The following KIF1B variants were observed in gnomAD, a reference collection of about 807,000 sequenced individuals.
KIF1B encodes the protein kinesin-like protein KIF1B.
A neutral mutation model predicts 241.9 loss-of-function variants in KIF1B; 76 were observed. The observed-to-expected ratio is 0.31, with a 90% CI of 0.26 to 0.38. KIF1B has a LOEUF of 0.38. Among genes scored for constraint, KIF1B ranks in the 10% least tolerant of loss-of-function variants. The pLI is 1.00. For missense variants in KIF1B, 1,622 were observed against 2,271.4 expected (o/e 0.71, Z 5.81); for synonymous variants, 750 against 796.7 (o/e 0.94, Z 0.99).
At chr1:10,271,730 C>T (rs553315660) in intron 8 of KIF1B, 151 bp downstream of exon 8, 14 of 699,818 alleles carry the variant, frequency 2.0e-5, no homozygotes, top group South Asian at 2.0e-4. Context: ...TGACAGAGAC[C>T]GTATGGCCCA....
Position 10,334,501 on chromosome 1 carries a change from T to C in KIF1B, c.2925-19T>C. ...CTCCATGGATGTTCTGACATTTGTC[T>C]CCTGGTTTCTGTCTTTAGGGCATTT... On this transcript the variant is annotated intron_variant, in intron 27 of 48. Transcript: ENST00000676179. 6.4e-7 allele frequency: 1 copy of C among 1,558,192 alleles called. No homozygotes were observed. The highest frequency in any genetic ancestry group is 8.9e-7 in the Non-Finnish European group (1 of 1,129,206).
chr1:10,337,599 T>C lies in KIF1B; in HGVS notation c.3422+66T>C. 2.6e-6 allele frequency: 4 copies of C among 1,547,564 alleles called. No individual in the cohort carries two copies. The highest frequency in any genetic ancestry group is 2.2e-5 in the East Asian group (1 of 44,562). On this transcript the variant is annotated intron_variant, in intron 31 of 48. Coordinates refer to ENST00000676179, the MANE Select transcript of KIF1B (RefSeq NM_001365951.3). This position sits in a 1 kb window ranked among gnomAD's most constrained non-coding sequence, Gnocchi z 4.0. ...CCGAGGTGACATCTCTTGTGCACTG[T>C]AGAGTGCTTTACATGTGTGAGGGAT...
At chr1:10,316,877 C>T (rs534980483) in intron 22 of KIF1B, among the ~76,000 whole-genome samples, 57 of 151,602 alleles carry the variant, frequency 3.8e-4, no homozygotes, top group Non-Finnish European at 6.3e-4. Context: ...TTCCAATTGC[C>T]ATTTCTTCTG....
intron 19 of KIF1B, 73 bp from the exon 20 acceptor site, chr1:10,296,509 T>G: frequency 8.0e-7 from 1 of 1,252,666 alleles, no homozygotes; most frequent in Non-Finnish European, 1.2e-6. Flanking sequence ...CAAATCCTGA[T>G]AAGCAACTGC....
In KIF1B at chr1:10,303,639, C is replaced by G. The variant is rs1170139021; in HGVS notation, c.2115+6393C>G. On this transcript the variant is annotated intron_variant, in intron 22 of 48. Transcript: ENST00000676179. This position sits in a 1 kb window ranked among gnomAD's most constrained non-coding sequence, Gnocchi z 5.2. ...GGAAAGGCAGCACTGATGTAGATGA[C>G]CTCAAGGTTCATATAGACAAGCTGG... 1 of 1,614,042 alleles carries G rather than the reference C, an allele frequency of 6.2e-7. No individual in the cohort carries two copies. Among genetic ancestry groups the G allele is most frequent in the Non-Finnish European group, 8.5e-7 (1 of 1,180,022 alleles).
At chr1:10,304,233 C>T (rs1235563969) in intron 22 of KIF1B, 3 of 1,614,092 alleles carry the variant, frequency 1.9e-6, no homozygotes, top group South Asian at 2.2e-5. Flanking sequence ...TTAAGGATCC[C>T]CAGTTTCCAT....
chr1:10,259,756 T>C (rs914096961), intron 4 of KIF1B, among the ~76,000 whole-genome samples: 1 of 151,798 alleles, frequency 6.6e-6, no homozygotes, highest in Non-Finnish European at 1.5e-5. Context: ...CACCTCCGCC[T>C]CCCAAAGTGC....
chr1:10,321,641 T>C, intron 23 of KIF1B, 68 bp from the exon 24 acceptor site: 2 of 1,504,948 alleles, frequency 1.3e-6, no homozygotes, highest in Non-Finnish European at 1.9e-6. Flanking sequence ...AGAGATAAGC[T>C]AGAAGAGAGG....
At chr1:10,315,220 C>T (rs1273319634) in intron 22 of KIF1B, among the ~76,000 whole-genome samples, 1 of 138,680 alleles carries the variant, frequency 7.2e-6, no homozygotes, top group Non-Finnish European at 1.5e-5. Flanking sequence ...CACTCTGTTG[C>T]CCAGGCTAGA....
intron 1 of KIF1B, among the ~76,000 whole-genome samples, chr1:10,221,741 A>G (rs967948927): frequency 6.6e-6 from 1 of 152,230 alleles, no homozygotes; most frequent in Admixed American, 6.5e-5. Flanking sequence ...TTAAAATGTA[A>G]TTCAGAGGAA....
At chr1:10,351,972 CAAA>C (rs35296006) in intron 37 of KIF1B, among the ~76,000 whole-genome samples, 13 of 145,444 alleles carry the variant, frequency 8.9e-5, no homozygotes, top group African/African-American at 3.3e-4. Flanking sequence ...GACATTGTTT[CAAA>C]AAAAAAAACA....
intron 15 of KIF1B, among the ~76,000 whole-genome samples, chr1:10,286,073 T>C (rs141552029): frequency 0.019 from 2,835 of 152,018 alleles, 40 homozygotes; most frequent in Non-Finnish European, 0.028. Flanking sequence ...AGAGTCTTGC[T>C]CTGTTGCCCA....
intron 15 of KIF1B, among the ~76,000 whole-genome samples, chr1:10,287,421 CTT>C (rs1163969710): frequency 2.0e-5 from 3 of 152,126 alleles, no homozygotes. Context: ...ATCTTGAACT[CTT>C]GTCTCTGGTC....
In KIF1B at chr1:10,303,606, G is replaced by T. The variant is rs41274458; in HGVS notation, c.2115+6360G>T. On this transcript the variant is annotated intron_variant, in intron 22 of 48. Transcript: ENST00000676179. The surrounding 1 kb of genome is among the most constrained non-coding windows in gnomAD (Gnocchi z 5.2). ...GGGATGAGAAGATCGAAGACGTCATGGCCACTGGGAAAGGCAGCACTGATG... is the reference window on the plus strand; with the variant it reads ...GGGATGAGAAGATCGAAGACGTCATTGCCACTGGGAAAGGCAGCACTGATG... 37,939 of 1,614,172 alleles carry T rather than the reference G, an allele frequency of 0.024. 576 individuals carry two copies. Among genetic ancestry groups the T allele is most frequent in the Non-Finnish European group, 0.028 (32,715 of 1,180,030 alleles).
intron 22 of KIF1B, among the ~76,000 whole-genome samples, chr1:10,302,942 A>T (rs752974142): frequency 1.2e-4 from 19 of 152,226 alleles, no homozygotes; most frequent in Non-Finnish European, 2.5e-4. Flanking sequence ...CCAAATAAGC[A>T]AATCTTTATA....
intron 48 of KIF1B, among the ~76,000 whole-genome samples, chr1:10,375,786 GTTTTTTTTTTTTTT>G (rs201620952): frequency 0.071 from 4,969 of 70,014 alleles, 229 homozygotes; most frequent in Middle Eastern, 0.31. Context: ...TTCTTTTCTT[GTTTTTTTTTTTTTT>G]TTTTTTTTTT....
Position 10,372,649 on chromosome 1 carries a change from GCTTGGGTGACAGAGCTGTCACC to G in KIF1B, c.4946+1389_4946+1410del, listed in dbSNP as rs1483734692. Among the ~76,000 whole-genome samples the G allele has an allele frequency of 4.8e-4, 59 of 123,430 alleles. No homozygotes were observed. The Middle Eastern group carries it at 0.032, about 67-fold the overall frequency. 81.0% of individuals were successfully genotyped at this position (123,430 alleles called of 152,430 possible). On this transcript the variant is annotated intron_variant, in intron 45 of 48. Transcript: ENST00000676179. ...GCCGAGATTGCGCCGCTGCGCGCCA[GCTTGGGTGACAGAGCTGTCACC>G]CAAGCTGGCGCGCAGCGGCGCAATC...
chr1:10,373,392 G>A (rs61383940), intron 45 of KIF1B, among the ~76,000 whole-genome samples: 20,487 of 150,124 alleles, frequency 0.14, 1,515 homozygotes, highest in South Asian at 0.18. Context: ...CTGCCACCAC[G>A]CCCAGCTAAT....
intron 32 of KIF1B, 81 bp downstream of exon 32, chr1:10,339,940 A>C (rs1214438286): frequency 2.5e-6 from 3 of 1,177,640 alleles, no homozygotes; most frequent in African/African-American, 1.5e-5. Flanking sequence ...TGATAAGAAG[A>C]GGTACAAGTC....
Sources: gnomAD v4.1 joint callset for allele counts (sites outside exome capture counted in the v4.1 genomes callset) on GRCh38, gnomAD v4.1.1 for gene constraint, Gnocchi (gnomAD v3.1) non-coding constraint, MANE v1.5 for transcripts, NCBI Gene and HGNC (gene_info 2026-07-23, HGNC 2026-07-21) for gene names.